Variants in CREB5 observed in about 807,000 individuals in gnomAD.
The protein encoded by CREB5 is cyclic AMP-responsive element-binding protein 5.
Under a neutral mutation model 57.1 loss-of-function variants are expected in CREB5, and 19 were observed. The ratio of observed to expected loss-of-function variants is 0.33; its 90% CI spans 0.23 to 0.49. The LOEUF is 0.49. Among genes scored for constraint, CREB5 ranks in the 20% least tolerant of loss-of-function variants. The pLI, the probability that CREB5 is intolerant of heterozygous loss-of-function variation, is 0.99. For missense variants in CREB5, 579 were observed against 671.6 expected (o/e 0.86, Z 1.52); for synonymous variants, 238 against 238.3 (o/e 1.00, Z 0.01).
intron 1 of CREB5, among the ~76,000 whole-genome samples, chr7:28,373,430 CTTTTTTTCTTTTTTCT>C (rs980497871): frequency 3.1e-5 from 4 of 128,016 alleles, no homozygotes; most frequent in Non-Finnish European, 6.3e-5. Flanking sequence ...TCTTCTTTTT[CTTTTTTTCTTTTTTCT>C]TTTTTTTTTT....
At chr7:28,758,196 TAAC>T (rs1805451117) in intron 7 of CREB5, among the ~76,000 whole-genome samples, 1 of 152,200 alleles carries the variant, frequency 6.6e-6, no homozygotes, top group Admixed American at 6.5e-5. Context: ...GTAGACCTAC[TAAC>T]GAGTCAATGG....
chr7:28,590,223 G>C (rs1032122706), intron 5 of CREB5, among the ~76,000 whole-genome samples: 2 of 152,048 alleles, frequency 1.3e-5, no homozygotes, highest in African/African-American at 4.8e-5. Context: ...AAAGACACAT[G>C]CACATGTATG....
At chr7:28,678,970 A>G (rs1800459343) in intron 5 of CREB5, among the ~76,000 whole-genome samples, 1 of 152,142 alleles carries the variant, frequency 6.6e-6, no homozygotes, top group East Asian at 1.9e-4. Flanking sequence ...TGAAACCACA[A>G]ATACAATTCC....
intron 7 of CREB5, among the ~76,000 whole-genome samples, chr7:28,787,738 AG>A (rs1297740789): frequency 7.2e-5 from 11 of 152,100 alleles, no homozygotes; most frequent in African/African-American, 2.7e-4. Flanking sequence ...TATTTTTTAT[AG>A]AGACAGGGTT....
chr7:28,723,320 T>C (rs1363167640), intron 6 of CREB5, among the ~76,000 whole-genome samples: 1 of 152,224 alleles, frequency 6.6e-6, no homozygotes, highest in Non-Finnish European at 1.5e-5. Flanking sequence ...AAACACACCC[T>C]TCCTGAATGG....
At chr7:28,651,381 G>A (rs1395037730) in intron 5 of CREB5, among the ~76,000 whole-genome samples, 1 of 152,156 alleles carries the variant, frequency 6.6e-6, no homozygotes, top group African/African-American at 2.4e-5. Flanking sequence ...GACCTAGCCA[G>A]GAGCCTTGTT....
At chr7:28,728,562 T>C (rs779575773) in intron 7 of CREB5, among the ~76,000 whole-genome samples, 5 of 152,238 alleles carry the variant, frequency 3.3e-5, no homozygotes, top group Non-Finnish European at 4.4e-5. Flanking sequence ...AACAGGACTC[T>C]GTAGCCTCAC....
At chr7:28,421,662 A>T (rs1788252084) in intron 1 of CREB5, among the ~76,000 whole-genome samples, 2 of 151,976 alleles carry the variant, frequency 1.3e-5, no homozygotes, top group Admixed American at 6.6e-5. Flanking sequence ...CCCTGTGTGT[A>T]GAAAGCTGTA....
At chr7:28,719,301 G>A (rs533525358) in intron 6 of CREB5, among the ~76,000 whole-genome samples, 2 of 152,290 alleles carry the variant, frequency 1.3e-5, no homozygotes, top group Non-Finnish European at 2.9e-5. Flanking sequence ...CTGCTAACAT[G>A]CATTTATGCA....
intron 4 of CREB5, among the ~76,000 whole-genome samples, chr7:28,550,017 A>G (rs1197132419): frequency 1.3e-5 from 2 of 152,166 alleles, no homozygotes; most frequent in South Asian, 2.1e-4. Flanking sequence ...TCATGACATC[A>G]CTAAGCTTCA....
At chr7:28,697,873 C>T (rs918158491) in intron 5 of CREB5, among the ~76,000 whole-genome samples, 9 of 152,126 alleles carry the variant, frequency 5.9e-5, no homozygotes, top group Non-Finnish European at 1.3e-4. Flanking sequence ...CTGTTTGCCT[C>T]CTAAATTCAG....
chr7:28,768,157 G>A (rs1457807005), intron 7 of CREB5, among the ~76,000 whole-genome samples: 1 of 152,170 alleles, frequency 6.6e-6, no homozygotes, highest in East Asian at 1.9e-4. Context: ...TGAGGGGCAT[G>A]TTCCAGAGTA....
intron 1 of CREB5, among the ~76,000 whole-genome samples, chr7:28,469,934 T>A (rs2128581567): frequency 6.6e-6 from 1 of 152,288 alleles, no homozygotes; most frequent in Non-Finnish European, 1.5e-5. Context: ...AAATTTAAAA[T>A]TTTTGTGAGT....
chr7:28,546,948 G>C (rs10257887), intron 4 of CREB5, among the ~76,000 whole-genome samples: 58,758 of 152,112 alleles, frequency 0.39, 12,730 homozygotes, highest in Non-Finnish European at 0.48. Context: ...AGAGAATAGG[G>C]ACCCCAAGGA....
intron 1 of CREB5, among the ~76,000 whole-genome samples, chr7:28,407,452 T>G (rs1473957149): frequency 6.6e-6 from 1 of 152,168 alleles, no homozygotes; most frequent in Non-Finnish European, 1.5e-5. Flanking sequence ...GAACCAGGCG[T>G]CAAGTAGCAG....
chr7:28,793,418 C>T (rs1257301129), intron 7 of CREB5, among the ~76,000 whole-genome samples: 5 of 152,152 alleles, frequency 3.3e-5, no homozygotes, highest in Non-Finnish European at 7.3e-5. Flanking sequence ...GCCAGAACAC[C>T]GAATGTCTAC....
At chr7:28,706,120 C>T (rs987464068) in intron 5 of CREB5, among the ~76,000 whole-genome samples, 3 of 152,158 alleles carry the variant, frequency 2.0e-5, no homozygotes, top group African/African-American at 7.2e-5. Context: ...TTTGGGAGGC[C>T]GAGGCGGGTA....
At chr7:28,554,395 T>C (rs555684437) in intron 4 of CREB5, among the ~76,000 whole-genome samples, 201 of 152,334 alleles carry the variant, frequency 1.3e-3, no homozygotes, top group African/African-American at 4.7e-3. Flanking sequence ...ACTTGGAATT[T>C]CTTCCTTCCT....
At chr7:28,379,169 A>G (rs1786906130) in intron 1 of CREB5, among the ~76,000 whole-genome samples, 1 of 152,224 alleles carries the variant, frequency 6.6e-6, no homozygotes, top group Non-Finnish European at 1.5e-5. Flanking sequence ...ATTGAAAATG[A>G]AAAATAACAT....
Sources: allele counts gnomAD v4.1 joint callset (sites outside exome capture counted in the v4.1 genomes callset), GRCh38; gene constraint gnomAD v4.1.1; transcripts MANE v1.5; gene names NCBI Gene and HGNC (gene_info 2026-07-23, HGNC 2026-07-21).